The following UNC93A variants were observed in gnomAD, a reference collection of about 807,000 sequenced individuals.
The protein encoded by UNC93A is unc-93 homolog A, also known as N-acetylglucosamine transporter UNC93A.
A neutral mutation model predicts 47.5 loss-of-function variants in UNC93A; 43 were observed. The ratio of observed to expected loss-of-function variants is 0.91; its 90% CI spans 0.71 to 1.17. The LOEUF (loss-of-function observed/expected upper bound fraction) is 1.17, where lower values mean the gene tolerates loss of function less well. UNC93A is among the 50% of genes most tolerant of loss of function. The pLI is 0.00. For missense variants in UNC93A, 605 were observed against 577.6 expected (o/e 1.05, Z -0.49); for synonymous variants, 280 against 258.0 (o/e 1.09, Z -0.82).
chr6:167,275,374 C>T lies in UNC93A; in HGVS notation c.-52+3916C>T, dbSNP rs144180238. The stretch of plus-strand genomic sequence containing the variant: ...ATCTGTTGGAATACAGGTCAGTCCT[C>T]TTCACACCCTTCCGTTTCCCTAATG... On this transcript the variant is annotated intron_variant, in intron 1 of 3. Coordinates refer to the UNC93A transcript ENST00000503433. Among the ~76,000 whole-genome samples the T allele has an allele frequency of 6.1e-3, 936 of 152,328 alleles. 11 individuals carry two copies. Among genetic ancestry groups the T allele is most frequent in the South Asian group, 0.025 (123 of 4,828 alleles).
intron 1 of UNC93A, among the ~76,000 whole-genome samples, chr6:167,279,786 A>G (rs1332286069): frequency 6.6e-6 from 1 of 152,236 alleles, no homozygotes; most frequent in Non-Finnish European, 1.5e-5. Context: ...TAGTTTGCAC[A>G]TAGTAGAGAA....
At chr6:167,289,646 G>A (rs367698829), upstream of UNC93A, among the ~76,000 whole-genome samples, 2 of 151,916 alleles carry the variant, frequency 1.3e-5, no homozygotes, top group South Asian at 2.1e-4. Context: ...AGCCCCCAGA[G>A]CCAGAGAGCG....
At chr6:167,306,667 G>A (rs1009182640) in intron 6 of UNC93A, among the ~76,000 whole-genome samples, 10 of 152,362 alleles carry the variant, frequency 6.6e-5, no homozygotes, top group Admixed American at 2.6e-4. Flanking sequence ...GTGAGCATCT[G>A]CCAGGGCCAT....
chr6:167,306,168 A>C, intron 6 of UNC93A, 118 bp downstream of exon 6: 1 of 1,375,308 alleles, frequency 7.3e-7, no homozygotes, highest in Non-Finnish European at 1.0e-6. Flanking sequence ...GAAATCAGTA[A>C]CGCCCTGTAA....
chr6:167,296,331 C>G, intron 3 of UNC93A, 70 bp downstream of exon 3: 1 of 1,520,376 alleles, frequency 6.6e-7, no homozygotes, highest in Middle Eastern at 1.8e-4. Context: ...GAGAGGGTTC[C>G]TGATTTCAGT....
chr6:167,312,113 C>T (rs1327389617), intron 7 of UNC93A, among the ~76,000 whole-genome samples: 1 of 152,096 alleles, frequency 6.6e-6, no homozygotes, highest in Non-Finnish European at 1.5e-5. Context: ...TGAAGAGCAC[C>T]GTAGTCTGTA....
chr6:167,273,046 C>T (rs1783475365), intron 1 of UNC93A, among the ~76,000 whole-genome samples: 1 of 152,176 alleles, frequency 6.6e-6, no homozygotes, highest in Non-Finnish European at 1.5e-5. Context: ...ACAGGCTCGC[C>T]TGCCTGTGGG....
intron 7 of UNC93A, among the ~76,000 whole-genome samples, chr6:167,311,272 G>T (rs1239930102): frequency 2.6e-5 from 4 of 152,166 alleles, no homozygotes; most frequent in Non-Finnish European, 5.9e-5. Flanking sequence ...TCAATTTAAA[G>T]ACTGGTCCTT....
chr6:167,276,049 TTTTTC>T (rs1418959975), intron 1 of UNC93A, among the ~76,000 whole-genome samples: 2 of 144,924 alleles, frequency 1.4e-5, no homozygotes, highest in Non-Finnish European at 1.5e-5. Context: ...TGAGATCATT[TTTTTC>T]TTTTCTTTTC....
In UNC93A at chr6:167,282,847, G is replaced by A. The variant is rs73259199; in HGVS notation, c.-51-8592G>A. On this transcript the variant is annotated intron_variant, in intron 1 of 3. Coordinates refer to the UNC93A transcript ENST00000503433. ...GTGCATTGGTTCAGTCCTGAAAGGCGAGACGACTTGAAGCAGGGGCTTCCG... is the reference window on the plus strand; with the variant it reads ...GTGCATTGGTTCAGTCCTGAAAGGCAAGACGACTTGAAGCAGGGGCTTCCG... Among the ~76,000 whole-genome samples, 287 of 152,272 alleles carry A rather than the reference G, an allele frequency of 1.9e-3. 1 individual carries two copies. Among genetic ancestry groups the A allele is most frequent in the African/African-American group, 6.3e-3 (263 of 41,552 alleles).
chr6:167,273,746 A>T (rs1175673364), intron 1 of UNC93A, among the ~76,000 whole-genome samples: 1 of 152,088 alleles, frequency 6.6e-6, no homozygotes. Context: ...GCACACCAGG[A>T]AGCAGGGGCT....
At chr6:167,289,431 G>A (rs1323768602), upstream of UNC93A, among the ~76,000 whole-genome samples, 2 of 152,194 alleles carry the variant, frequency 1.3e-5, no homozygotes, top group African/African-American at 4.8e-5. Context: ...CATAGATAAA[G>A]GGGAGGAACT....
intron 1 of UNC93A, among the ~76,000 whole-genome samples, chr6:167,283,379 A>G (rs55752300): frequency 0.019 from 2,911 of 152,210 alleles, 105 homozygotes; most frequent in African/African-American, 0.067. Flanking sequence ...ATTCCAAAGC[A>G]AGGAGGGTAT....
chr6:167,303,914 T>C lies in UNC93A; in HGVS notation c.626-5T>C, dbSNP rs1465648668. The C allele has an allele frequency of 1.2e-6, 2 of 1,613,872 alleles. No homozygotes were observed. The highest frequency in any genetic ancestry group is 3.3e-5 in the Admixed American group (2 of 59,978). ...AAAGCTGAAGCCTTTGCTATGTCCTTTCAGGGAGTGGTGTCCTGGCTGTCC... is the reference window on the plus strand; with the variant it reads ...AAAGCTGAAGCCTTTGCTATGTCCTCTCAGGGAGTGGTGTCCTGGCTGTCC... On this transcript the variant is annotated splice_polypyrimidine_tract_variant and splice_region_variant and intron_variant, in intron 4 of 7. Transcript: ENST00000230256.
chr6:167,307,233 GC>G (rs1214353519), intron 6 of UNC93A, among the ~76,000 whole-genome samples: 4 of 152,204 alleles, frequency 2.6e-5, no homozygotes, highest in African/African-American at 9.7e-5. Flanking sequence ...CACACCCAAG[GC>G]CCTCCAGGCT....
At chr6:167,299,669 C>T (rs974604956) in intron 4 of UNC93A, among the ~76,000 whole-genome samples, 8 of 152,212 alleles carry the variant, frequency 5.3e-5, no homozygotes, top group African/African-American at 1.9e-4. Flanking sequence ...CTCCCTGGAG[C>T]ACGGAGTTTC....
chr6:167,291,133 C>T (rs1395205369), upstream of UNC93A, among the ~76,000 whole-genome samples: 2 of 152,146 alleles, frequency 1.3e-5, no homozygotes, highest in Non-Finnish European at 2.9e-5. Flanking sequence ...AAAAGTGAAA[C>T]ATATCACTTT....
intron 7 of UNC93A, among the ~76,000 whole-genome samples, chr6:167,308,263 C>T (rs890020364): frequency 2.0e-5 from 3 of 152,098 alleles, no homozygotes; most frequent in Admixed American, 2.0e-4. Context: ...TTCAGATGTG[C>T]TTGTGAGCAG....
Position 167,315,479 on chromosome 6 carries a change from C to T in UNC93A, c.*27C>T, listed in dbSNP as rs1466729526. 3 of 1,613,868 alleles carry T rather than the reference C, an allele frequency of 1.9e-6. No homozygotes were observed. Among genetic ancestry groups the T allele is most frequent in the Non-Finnish European group, 2.5e-6 (3 of 1,179,864 alleles). The stretch of plus-strand genomic sequence containing the variant: ...AGCAGTGAGGTCCGAGGAGGATGAA[C>T]TCAGAAAGCACCAGCCAGAGAATTT... On this transcript the variant is annotated 3_prime_UTR_variant, in exon 8 of 8. Transcript: ENST00000230256.
Sources: allele counts gnomAD v4.1 joint callset (sites outside exome capture counted in the v4.1 genomes callset), GRCh38; gene constraint gnomAD v4.1.1; transcripts MANE v1.5; gene names NCBI Gene and HGNC (gene_info 2026-07-23, HGNC 2026-07-21).